Variants in KIF21B observed in about 807,000 individuals in gnomAD.
KIF21B encodes kinesin family member 21B, also known as kinesin-like protein KIF21B.
KIF21B carries 85 observed loss-of-function variants against 192.9 expected under a neutral mutation model. That is an observed-to-expected ratio of 0.44 (90% CI 0.37 to 0.53). KIF21B has a LOEUF of 0.53. KIF21B is among the 20% of genes least tolerant of loss of function. KIF21B has a pLI of 0.00. For missense variants in KIF21B, 1,716 were observed against 2,194.8 expected (o/e 0.78, Z 4.36); for synonymous variants, 832 against 884.6 (o/e 0.94, Z 1.05).
chr1:201,000,297 A>G lies in KIF21B; in HGVS notation c.1685+93T>C. The G allele has an allele frequency of 7.8e-7, 1 of 1,287,884 alleles. No homozygotes were observed. Among genetic ancestry groups the G allele is most frequent in the South Asian group, 1.4e-5 (1 of 70,100 alleles). 79.8% of individuals were successfully genotyped at this position (1,287,884 alleles called of 1,614,324 possible). ...GCTGGGGGCGTGGAGGTTCCCTCCT[A>G]AACACTGGTGGGCAGCAGTCCTCCT... On this transcript the variant is annotated intron_variant, in intron 11 of 34. Coordinates refer to ENST00000461742, the MANE Select transcript of KIF21B (RefSeq NM_001252102.2). This position sits in a 1 kb window ranked among gnomAD's most constrained non-coding sequence, Gnocchi z 6.0.
At position 201,000,587 on chromosome 1, in the gene KIF21B, T is replaced by C. The variant is rs755101726; in HGVS notation, c.1488A>G (p.Glu496=). ...EELRTKLLES[E]AMNESLRRSL... is the part of the protein sequence containing the mutation. ...TGCGGCGCAGGGACTCGTTCATGGCTTCACTCTCTAGAAGCTTAGTCCTGC... is the reference window on the plus strand; with the variant it reads ...TGCGGCGCAGGGACTCGTTCATGGCCTCACTCTCTAGAAGCTTAGTCCTGC... Residue 496 remains glutamate, a synonymous_variant, in exon 11 of 35, where the codon GAA becomes GAG. Coordinates refer to ENST00000461742, the MANE Select transcript of KIF21B (RefSeq NM_001252102.2). The surrounding 1 kb of genome is among the most constrained non-coding windows in gnomAD (Gnocchi z 6.0). 6.2e-7 allele frequency: 1 copy of C among 1,613,430 alleles called. No individual in the cohort carries two copies. The highest frequency in any genetic ancestry group is 8.5e-7 in the Non-Finnish European group (1 of 1,179,936).
Position 200,981,089 on chromosome 1 carries a change from T to C in KIF21B, c.3850A>G (p.Ile1284Val). Residue 1284 changes from isoleucine (I) to valine (V), a missense_variant, in exon 29 of 35, where the codon ATC (isoleucine) becomes GTC (valine). This residue lies in a region of KIF21B where 580 missense variants were observed against 775.5 expected (regional missense o/e 0.75). Transcript: ENST00000461742. ...SSLSEVLRGIISPVGGAKGAR... is the reference protein window; with the variant it reads ...SSLSEVLRGIVSPVGGAKGAR... ...CCCTTGGCTCCTCCAACCGGGGAGA[T>C]GATGCCCCTTCCCGGGAGAGAGGGA... The C allele has an allele frequency of 6.3e-7, 1 of 1,589,914 alleles. No homozygotes were observed. Among genetic ancestry groups the C allele is most frequent in the Admixed American group, 1.9e-5 (1 of 52,798 alleles).
At position 200,974,859 on chromosome 1, in the gene KIF21B, G is replaced by A. The variant is rs374243060; in HGVS notation, c.4669C>T (p.Arg1557Cys). 10 of 1,614,182 alleles carry A rather than the reference G, an allele frequency of 6.2e-6. No homozygotes were observed. Among genetic ancestry groups the A allele is most frequent in the South Asian group, 4.4e-5 (4 of 91,092 alleles). Residue 1557 changes from arginine (R) to cysteine (C), a missense_variant, in exon 34 of 35, where the codon CGC becomes TGC. Physicochemically the swap from Arg to Cys is radical, Grantham distance 180 (BLOSUM62 -3). Around this residue, in one of 3 missense-constraint regions of KIF21B, gnomAD observed 580 missense variants for 775.5 expected, o/e 0.75. Transcript: ENST00000461742. ...WVCALAFIPGRPMLLSACRAG... is the reference protein window; with the variant it reads ...WVCALAFIPGCPMLLSACRAG... ...CGGCAGGCGCTGAGCAGCATGGGGC[G>A]GCCCGGGATGAAGGCCAGGGCGCAC... is the stretch of plus-strand genomic sequence containing the variant.
In KIF21B at chr1:200,979,696, C is replaced by A; in HGVS notation, c.3999G>T (p.Trp1333Cys). 1 of 1,538,246 alleles carries A rather than the reference C, an allele frequency of 6.5e-7. No individual in the cohort carries two copies. The highest frequency in any genetic ancestry group is 8.8e-7 in the Non-Finnish European group (1 of 1,138,992). The change falls in exon 30 of 35, where the codon TGG becomes TGT. Residue 1333 changes from tryptophan to cysteine, a missense_variant. Coordinates refer to ENST00000461742, the MANE Select transcript of KIF21B (RefSeq NM_001252102.2). ...TGSKDRSCKMWNLVTGQEIAA... is the reference protein window; with the variant it reads ...TGSKDRSCKMCNLVTGQEIAA... ...CGATCTCCTGTCCCGTAACCAAGTT[C>A]CACATCTTGCAGCTTCGGTCTGTGA... is the stretch of plus-strand genomic sequence containing the variant.
At chr1:200,973,790 C>T in intron 34 of KIF21B, 3 of 1,437,564 alleles carry the variant, frequency 2.1e-6, no homozygotes, top group Middle Eastern at 2.4e-4. Context: ...CCCAGGGGAG[C>T]TTTGTCATGG....
chr1:200,974,966 C>A, intron 33 of KIF21B, 53 bp from the exon 34 acceptor site: 6 of 1,571,820 alleles, frequency 3.8e-6, no homozygotes, highest in Non-Finnish European at 4.3e-6. Flanking sequence ...AGGGAGAGAA[C>A]CTGCCCCAGG....
intron 33 of KIF21B, 25 bp from the exon 34 acceptor site, chr1:200,974,938 G>C (rs771194428): frequency 1.2e-6 from 2 of 1,609,078 alleles, no homozygotes. Context: ...GGGCTGGTGA[G>C]GGCTGGGGGA....
Position 200,992,383 on chromosome 1 carries a change from G to C in KIF21B, c.2284C>G (p.Leu762Val). The C allele has an allele frequency of 6.2e-7, 1 of 1,612,676 alleles. No individual in the cohort carries two copies. Among genetic ancestry groups the C allele is most frequent in the South Asian group, 1.1e-5 (1 of 91,090 alleles). The change falls in exon 16 of 35, where the codon CTG becomes GTG. Residue 762 changes from leucine (L) to valine (V), a missense_variant. Physicochemically the swap from Leu to Val is conservative, Grantham distance 32. Coordinates refer to ENST00000461742, the MANE Select transcript of KIF21B (RefSeq NM_001252102.2). ...VAEMKKAKVALMKQMREEQQR... is the reference protein window; with the variant it reads ...VAEMKKAKVAVMKQMREEQQR... ...TGCTCCTCACGCATCTGCTTCATCA[G>C]GGCCACCTGGGATGGGCAGAGATTA...
At chr1:200,981,842 G>T (rs1436858613) in intron 28 of KIF21B, among the ~76,000 whole-genome samples, 1 of 152,146 alleles carries the variant, frequency 6.6e-6, no homozygotes, top group Non-Finnish European at 1.5e-5. Flanking sequence ...CGAGAAGGAG[G>T]CTGGCCCAAG....
chr1:201,017,659 G>A lies in KIF21B; in HGVS notation c.41+5684C>T, dbSNP rs1040520514. On this transcript the variant is annotated intron_variant, in intron 1 of 34. Coordinates refer to ENST00000461742, the MANE Select transcript of KIF21B (RefSeq NM_001252102.2). This position sits in a 1 kb window ranked among gnomAD's most constrained non-coding sequence, Gnocchi z 4.1. ...AGAGCAACAGAAGGCTGGCTGTGGAGGGCAGCAAGCCTCTCCCCACCACAC... is the reference window on the plus strand; with the variant it reads ...AGAGCAACAGAAGGCTGGCTGTGGAAGGCAGCAAGCCTCTCCCCACCACAC... Among the ~76,000 whole-genome samples, 3 of 152,194 alleles carry A rather than the reference G, an allele frequency of 2.0e-5. No homozygotes were observed. Among genetic ancestry groups the A allele is most frequent in the African/African-American group, 7.2e-5 (3 of 41,454 alleles).
chr1:201,011,373 C>T (rs578196830), intron 1 of KIF21B, among the ~76,000 whole-genome samples: 2 of 152,350 alleles, frequency 1.3e-5, no homozygotes, highest in South Asian at 4.1e-4. Flanking sequence ...TTATGACCCT[C>T]GTGTATGGAT....
At chr1:201,014,676 G>A (rs1658409326) in intron 1 of KIF21B, among the ~76,000 whole-genome samples, 1 of 152,178 alleles carries the variant, frequency 6.6e-6, no homozygotes, top group East Asian at 1.9e-4. Context: ...GGACTCCTAG[G>A]GGTTGGCTCA....
Position 200,990,786 on chromosome 1 carries a change from C to A in KIF21B, c.2688-63G>T, listed in dbSNP as rs1237396485. On this transcript the variant is annotated intron_variant, in intron 18 of 34. Coordinates refer to ENST00000461742, the MANE Select transcript of KIF21B (RefSeq NM_001252102.2). This position sits in a 1 kb window ranked among gnomAD's most constrained non-coding sequence, Gnocchi z 5.4. Reference sequence around the variant, plus strand: ...TTTTAACCTCTGCAGCTCCACTGAGCCCCCATCTGGAGCTGACAGCCACGG... The same window carrying A: ...TTTTAACCTCTGCAGCTCCACTGAGACCCCATCTGGAGCTGACAGCCACGG... 5.6e-6 allele frequency: 9 copies of A among 1,596,950 alleles called. No homozygotes were observed. Among genetic ancestry groups the A allele is most frequent in the Non-Finnish European group, 7.7e-6 (9 of 1,167,352 alleles).
intron 8 of KIF21B, 126 bp downstream of exon 8, chr1:201,003,460 G>T: frequency 1.1e-6 from 1 of 911,444 alleles, no homozygotes. Context: ...CATGTCCAAA[G>T]TGGATGATGG....
chr1:201,021,371 C>T (rs560477882), intron 1 of KIF21B, among the ~76,000 whole-genome samples: 1 of 152,216 alleles, frequency 6.6e-6, no homozygotes. Context: ...CTTACCTTCC[C>T]GGAGACCCTG....
In KIF21B at chr1:200,973,252, G is replaced by A. The variant is rs376405642; in HGVS notation, c.*269C>T. 9.8e-6 allele frequency: 4 copies of A among 408,376 alleles called. No individual in the cohort carries two copies. Among genetic ancestry groups the A allele is most frequent in the African/African-American group, 6.2e-5 (3 of 48,274 alleles). The allele number at this position is 408,376 out of a possible 1,614,324, so 25.3% of individuals were successfully genotyped here. A position where few individuals can be genotyped will look rare whatever the true frequency, so the allele number is the denominator to read the frequency against. ...GGAGACAATGTGGCCACGACTGCCA[G>A]GAGGGGAACAAGAAGGGATAATGCC... On this transcript the variant is annotated 3_prime_UTR_variant, in exon 35 of 35. Transcript: ENST00000461742.
chr1:200,987,858 T>G (rs538025768), intron 24 of KIF21B, among the ~76,000 whole-genome samples: 2 of 152,376 alleles, frequency 1.3e-5, no homozygotes, highest in African/African-American at 4.8e-5. Flanking sequence ...CTAATGAAAC[T>G]GATCCCTCAT....
chr1:201,013,941 TCTTCCGTCCATCC>T (rs1658362784), intron 1 of KIF21B, among the ~76,000 whole-genome samples: 2 of 152,058 alleles, frequency 1.3e-5, no homozygotes, highest in African/African-American at 2.4e-5. Context: ...ACCCCTCCAA[TCTTCCGTCCATCC>T]CTTCTCAAGG....
At position 201,009,581 on chromosome 1, in the gene KIF21B, C is replaced by T. The variant is rs906412694; in HGVS notation, c.42-93G>A. 1.0e-4 allele frequency: 128 copies of T among 1,230,502 alleles called. 11 individuals carry two copies. Among genetic ancestry groups the T allele is most frequent in the Non-Finnish European group, 9.1e-6 (8 of 882,626 alleles). The allele number at this position is 1,230,502 out of a possible 1,614,324, so 76.2% of individuals were successfully genotyped here. The stretch of plus-strand genomic sequence containing the variant: ...ACACTGCCTGCCAAGCTGCCACTTC[C>T]CCCATGAGCCAGAGGAAAAGGAAGG... On this transcript the variant is annotated intron_variant, in intron 1 of 34. Transcript: ENST00000461742.
Sources: gnomAD v4.1 joint callset for allele counts (sites outside exome capture counted in the v4.1 genomes callset) on GRCh38, gnomAD v4.1.1 for gene constraint, gnomAD v4.1.1 regional missense constraint, Gnocchi (gnomAD v3.1) non-coding constraint, MANE v1.5 for transcripts, NCBI Gene and HGNC (gene_info 2026-07-23, HGNC 2026-07-21) for gene names.